Variants in PFKP observed in about 807,000 individuals in gnomAD.
The protein encoded by PFKP is ATP-dependent 6-phosphofructokinase, platelet type.
Under a neutral mutation model 94.3 loss-of-function variants are expected in PFKP, and 101 were observed. The ratio of observed to expected loss-of-function variants is 1.07; its 90% CI spans 0.91 to 1.26. PFKP has a LOEUF of 1.26. Among genes scored for constraint, PFKP ranks in the 50% most tolerant of loss-of-function variants. The pLI, the probability that PFKP is intolerant of heterozygous loss-of-function variation, is 0.00. For missense variants in PFKP, 1,145 were observed against 1,103.3 expected (o/e 1.04, Z -0.53); for synonymous variants, 573 against 432.6 (o/e 1.32, Z -4.03).
intron 14 of PFKP, 128 bp downstream of exon 14, chr10:3,116,974 G>A: frequency 1.3e-6 from 1 of 748,294 alleles, no homozygotes; most frequent in Non-Finnish European, 2.4e-6. Context: ...GAGGGGTGCA[G>A]GCAGTTACCG....
chr10:3,100,862 C>CAAAAAAAAAAAAAAAAA lies in PFKP; in HGVS notation c.265-499_265-483dup, dbSNP rs71294492. 309 of 657,154 alleles carry CAAAAAAAAAAAAAAAAA rather than the reference C, an allele frequency of 4.7e-4. 10 individuals carry two copies. The African/African-American group carries it at 6.6e-3, about 14-fold the overall frequency. The allele number at this position is 657,154 out of a possible 1,614,324, so 40.7% of individuals were successfully genotyped here. ...TAAAAGGGGCAGCGAGTATGTGGTGCAAAAAAAAAAAAAAAAAAAATCCCC... is the reference window on the plus strand; with the variant it reads ...TAAAAGGGGCAGCGAGTATGTGGTGCAAAAAAAAAAAAAAAAAAAAAAAAAAAAAAAAAAAAATCCCC... On this transcript the variant is annotated intron_variant, in intron 3 of 21. Transcript: ENST00000381125.
chr10:3,124,206 G>A (rs1489060827), intron 16 of PFKP, among the ~76,000 whole-genome samples: 2 of 152,240 alleles, frequency 1.3e-5, no homozygotes, highest in Non-Finnish European at 2.9e-5. Flanking sequence ...TAGCATTTCT[G>A]CAGCAGATGT....
At chr10:3,120,623 T>G (rs780210638) in intron 16 of PFKP, among the ~76,000 whole-genome samples, 2 of 152,234 alleles carry the variant, frequency 1.3e-5, no homozygotes, top group African/African-American at 2.4e-5. Context: ...ACTTTAGTTT[T>G]TTTGCCAAGA....
At chr10:3,097,683 G>A (rs766825415) in intron 2 of PFKP, among the ~76,000 whole-genome samples, 64 of 152,116 alleles carry the variant, frequency 4.2e-4, no homozygotes, top group Non-Finnish European at 8.4e-4. Context: ...CTCCTTTCTT[G>A]TTTATTACAT....
At chr10:3,114,928 G>A (rs1226558176) in intron 13 of PFKP, among the ~76,000 whole-genome samples, 1 of 152,206 alleles carries the variant, frequency 6.6e-6, no homozygotes. Flanking sequence ...GAGGCAGGAG[G>A]CAGGGCTCCC....
At chr10:3,135,532 G>A (rs777267362) in intron 20 of PFKP, among the ~76,000 whole-genome samples, 24 of 152,220 alleles carry the variant, frequency 1.6e-4, no homozygotes, top group Non-Finnish European at 2.9e-4. Flanking sequence ...TTTCCAGGAA[G>A]CCCTCGGGGC....
chr10:3,117,117 C>T (rs1006828745), intron 14 of PFKP, among the ~76,000 whole-genome samples: 27 of 152,258 alleles, frequency 1.8e-4, no homozygotes, highest in Middle Eastern at 3.4e-3. Context: ...AGCCAGCTGG[C>T]GAGCCTAAAG....
At chr10:3,100,881 AAT>A (rs1554766740) in intron 3 of PFKP, 16 of 1,134,140 alleles carry the variant, frequency 1.4e-5, no homozygotes, top group Admixed American at 6.3e-5. Flanking sequence ...AAAAAAAAAA[AAT>A]CCCCCTGGCC....
chr10:3,117,116 G>A (rs1335298300), intron 14 of PFKP, among the ~76,000 whole-genome samples: 4 of 152,178 alleles, frequency 2.6e-5, no homozygotes, highest in African/African-American at 4.8e-5. Flanking sequence ...AAGCCAGCTG[G>A]CGAGCCTAAA....
chr10:3,102,194 T>G (rs1302729331), intron 4 of PFKP, among the ~76,000 whole-genome samples: 3 of 121,130 alleles, frequency 2.5e-5, no homozygotes, highest in African/African-American at 9.4e-5. Flanking sequence ...GAGCTTGCAG[T>G]GAGCCGAGGT....
chr10:3,125,944 C>T (rs1365236331), intron 16 of PFKP, among the ~76,000 whole-genome samples: 1 of 152,184 alleles, frequency 6.6e-6, no homozygotes, highest in Non-Finnish European at 1.5e-5. Flanking sequence ...TGTGGGGTCA[C>T]GTCCGTGACT....
Position 3,100,863 on chromosome 10 carries a change from A to AAAATAAAAAAAAT in PFKP, c.265-499_265-498insTAAAAAAAATAAA, listed in dbSNP as rs1491438670. 1.1e-3 allele frequency: 175 copies of AAAATAAAAAAAAT among 158,292 alleles called. 4 individuals carry two copies. The highest frequency in any genetic ancestry group is 3.8e-4 in the Non-Finnish European group (44 of 115,956). The allele number at this position is 158,292 out of a possible 1,614,324, so 9.8% of individuals were successfully genotyped here. ...AAAAGGGGCAGCGAGTATGTGGTGC[A>AAAATAAAAAAAAT]AAAAAAAAAAAAAAAAAAATCCCCC... On this transcript the variant is annotated intron_variant, in intron 3 of 21. Transcript: ENST00000381125.
At chr10:3,105,293 T>A in intron 6 of PFKP, 100 bp from the exon 7 acceptor site, 1 of 1,290,848 alleles carries the variant, frequency 7.7e-7, no homozygotes, top group Non-Finnish European at 1.1e-6. Context: ...GCTTCATACC[T>A]GGCGTTAGGT....
intron 16 of PFKP, among the ~76,000 whole-genome samples, chr10:3,120,905 CAGAA>C (rs752696339): frequency 1.3e-5 from 2 of 152,070 alleles, no homozygotes; most frequent in African/African-American, 2.4e-5. Flanking sequence ...GTACCTAACA[CAGAA>C]AGCATTTCAT....
At chr10:3,109,166 A>AC (rs1835913316) in intron 9 of PFKP, among the ~76,000 whole-genome samples, 189 bp from the exon 10 acceptor site, 1 of 151,854 alleles carries the variant, frequency 6.6e-6, no homozygotes, top group African/African-American at 2.4e-5. Flanking sequence ...ATGTGCCCTG[A>AC]CCTCCTCTCT....
rs1834989454 is a variant in PFKP at position 3,101,474 on chromosome 10, TC to T, written c.375del (p.Ile125MetfsTer59). 6.2e-7 allele frequency: 1 copy of T among 1,606,284 alleles called. No homozygotes were observed. The highest frequency in any genetic ancestry group is 8.5e-7 in the Non-Finnish European group (1 of 1,176,216). ...CGCGGCATCACCAACCTGTGTGTGA[TC>T]GGCGGGGACGGGAGCCTCACCGGGG... Reference protein sequence around the residue: ...LQRGITNLCVIGGDGSLTGAN... With the variant: ...LQRGITNLCVXGGDGSLTGAN... On this transcript the variant is annotated frameshift_variant, in exon 4 of 22. Transcript: ENST00000381125. LOFTEE classifies it high-confidence loss of function.
chr10:3,093,218 A>C, intron 2 of PFKP, among the ~76,000 whole-genome samples: 1 of 150,616 alleles, frequency 6.6e-6, no homozygotes. Flanking sequence ...TCTCTGTCTC[A>C]CCCCTCCCAT....
At position 3,067,727 on chromosome 10, in the gene PFKP, C is replaced by CT; in HGVS notation, c.112+20_112+21insT. ...CTCAAGGTGCGCGCCCCCCTCCCGGCGGCGAGGGAGGGACGGACGGACGGA... is the reference window on the plus strand; with the variant it reads ...CTCAAGGTGCGCGCCCCCCTCCCGGCTGGCGAGGGAGGGACGGACGGACGGA... On this transcript the variant is annotated intron_variant, in intron 1 of 21. Transcript: ENST00000381125. 7.4e-7 allele frequency: 1 copy of CT among 1,351,374 alleles called. No individual in the cohort carries two copies. The allele number at this position is 1,351,374 out of a possible 1,614,324, so 83.7% of individuals were successfully genotyped here.
chr10:3,068,398 T>A (rs1317879078), intron 1 of PFKP, among the ~76,000 whole-genome samples: 2 of 152,154 alleles, frequency 1.3e-5, no homozygotes, highest in Non-Finnish European at 2.9e-5. Context: ...AAGGGTTTCC[T>A]GCGCTCGCAT....
Sources: allele counts gnomAD v4.1 joint callset (sites outside exome capture counted in the v4.1 genomes callset), GRCh38; gene constraint gnomAD v4.1.1; transcripts MANE v1.5; gene names NCBI Gene and HGNC (gene_info 2026-07-23, HGNC 2026-07-21).